The following GPR179 variants were observed in gnomAD, a reference collection of about 807,000 sequenced individuals.
GPR179 encodes the protein probable G protein-coupled receptor 179.
Under a neutral mutation model 70.8 loss-of-function variants are expected in GPR179, and 52 were observed. That is an observed-to-expected ratio of 0.73 (90% confidence interval 0.59 to 0.93). The LOEUF is 0.93. Ranked by LOEUF, GPR179 falls within the 40% of genes least tolerant of loss-of-function variation. The pLI is 0.00. For synonymous variants in GPR179, 1,123 were observed against 1,169.0 expected, an observed-to-expected ratio of 0.96 and a Z score of 0.80; for missense variants, 2,734 against 2,966.8, an observed-to-expected ratio of 0.92 and a Z score of 1.82.
Position 38,330,577 on chromosome 17 carries a change from C to T in GPR179, c.2992G>A (p.Ala998Thr), listed in dbSNP as rs551318324. 2.9e-4 allele frequency: 459 copies of T among 1,576,326 alleles called. 4 individuals carry two copies. The South Asian group carries it at 5.1e-3, about 18-fold the overall frequency. ...TTTTCTTGCTTGGCTGGCAGTTCTG[C>T]GTTCTCCCAGGGGCAGATGTAGGTG... ...LLTYICPWEN[A>T]ELPAKQENVP... Residue 998 changes from alanine (A) to threonine (T), a missense_variant, in exon 11 of 11, where the codon GCA becomes ACA. Coordinates refer to ENST00000616987, the MANE Select transcript of GPR179 (RefSeq NM_001004334.4).
Position 38,328,006 on chromosome 17 carries a change from G to A in GPR179, c.5563C>T (p.Leu1855=), listed in dbSNP as rs79954845. Residue 1855 remains leucine (L), a synonymous_variant, in exon 11 of 11, where the codon CTG becomes TTG. Transcript: ENST00000616987. ...ATCCCTTTTGATACGTCTTCTCCCA[G>A]GGAAGTGAGTCTCCCCTTTTCTAGA... ...KALEKGRLTS[L]GEDVSKGMAK... 22 of 1,613,978 alleles carry A rather than the reference G, an allele frequency of 1.4e-5. No individual in the cohort carries two copies. Among genetic ancestry groups the A allele is most frequent in the Non-Finnish European group, 1.9e-5 (22 of 1,180,026 alleles).
At chr17:38,339,347 TG>T in intron 2 of GPR179, 69 bp downstream of exon 2, 2 of 941,386 alleles carry the variant, frequency 2.1e-6, no homozygotes, top group Non-Finnish European at 3.4e-6. Context: ...GGGAGCTGCA[TG>T]GTGGCGGTGA....
chr17:38,329,081 C>T lies in GPR179; in HGVS notation c.4488G>A (p.Gly1496=), dbSNP rs373749692. Residue 1496 remains glycine (G), a synonymous_variant, in exon 11 of 11, where the codon GGG becomes GGA. Transcript: ENST00000616987. ...NVMGQEMLSL[G]TGRESLQEKE... Reference sequence around the variant, plus strand: ...TTTCTTGAAGAGATTCTCTACCTGTCCCCAGACTCAGCATTTCCTGCCCCA... The same window carrying T: ...TTTCTTGAAGAGATTCTCTACCTGTTCCCAGACTCAGCATTTCCTGCCCCA... 1 of 1,613,942 alleles carries T rather than the reference C, an allele frequency of 6.2e-7. No homozygotes were observed. Among genetic ancestry groups the T allele is most frequent in the Admixed American group, 1.7e-5 (1 of 59,992 alleles).
chr17:38,327,258 G>C lies in GPR179; in HGVS notation c.6311C>G (p.Ala2104Gly). 6.2e-7 allele frequency: 1 copy of C among 1,614,200 alleles called. No homozygotes were observed. Among genetic ancestry groups the C allele is most frequent in the African/African-American group, 1.3e-5 (1 of 75,050 alleles). Residue 2104 changes from alanine to glycine, a missense_variant, in exon 11 of 11, where the codon GCA (alanine) becomes GGA (glycine). Transcript: ENST00000616987. ...SDRSRGSSEA[A>G]GSVETRVAEV... is the part of the protein sequence containing the mutation. ...CGCTACCCTGGTCTCCACACTGCCT[G>C]CTGCCTCAGAACTGCCTCTGCTTCT... is the stretch of plus-strand genomic sequence containing the variant.
In GPR179 at chr17:38,324,918, G is replaced by A. The variant is rs1052968387; in HGVS notation, c.*1547C>T. Among the ~76,000 whole-genome samples, 2 of 152,164 alleles carry A rather than the reference G, an allele frequency of 1.3e-5. No homozygotes were observed. The highest frequency in any genetic ancestry group is 4.8e-5 in the African/African-American group (2 of 41,444). On this transcript the variant is annotated 3_prime_UTR_variant, in exon 11 of 11. Coordinates refer to ENST00000616987, the MANE Select transcript of GPR179 (RefSeq NM_001004334.4). ...CTCTGTGAAGTCCCATAACCGCCCAGCATATTTACATGCAGACTAGATGTT... is the reference window on the plus strand; with the variant it reads ...CTCTGTGAAGTCCCATAACCGCCCAACATATTTACATGCAGACTAGATGTT...
At chr17:38,331,601 C>T (rs2037361160) in intron 10 of GPR179, 70 bp from the exon 11 acceptor site, 4 of 1,531,604 alleles carry the variant, frequency 2.6e-6, no homozygotes, top group South Asian at 1.3e-5. Context: ...TCTGTTCCTC[C>T]ACCCTTGCCT....
chr17:38,329,978 T>G lies in GPR179; in HGVS notation c.3591A>C (p.Lys1197Asn). 6.2e-7 allele frequency: 1 copy of G among 1,614,204 alleles called. No homozygotes were observed. The highest frequency in any genetic ancestry group is 8.5e-7 in the Non-Finnish European group (1 of 1,180,042). The part of the protein sequence containing the change: ...LGERKAERAG[K>N]TGLAMLRQVS... Reference sequence around the variant, plus strand: ...CTTGCCTCAGCATGGCAAGCCCTGTTTTACCTGCTCTCTCAGCTTTCCGTT... The same window carrying G: ...CTTGCCTCAGCATGGCAAGCCCTGTGTTACCTGCTCTCTCAGCTTTCCGTT... The change falls in exon 11 of 11, where the codon AAA becomes AAC. Residue 1197 changes from lysine to asparagine, a missense_variant. Coordinates refer to ENST00000616987, the MANE Select transcript of GPR179 (RefSeq NM_001004334.4).
intron 1 of GPR179, among the ~76,000 whole-genome samples, chr17:38,342,725 C>G (rs955515554): frequency 1.3e-5 from 2 of 152,262 alleles, no homozygotes; most frequent in African/African-American, 4.8e-5. Flanking sequence ...CACAGGCTCA[C>G]AGACATTCCT....
chr17:38,327,644 C>T lies in GPR179; in HGVS notation c.5925G>A (p.Gln1975=). 6.2e-7 allele frequency: 1 copy of T among 1,614,232 alleles called. No homozygotes were observed. The highest frequency in any genetic ancestry group is 8.5e-7 in the Non-Finnish European group (1 of 1,180,044). The change falls in exon 11 of 11, where the codon CAG becomes CAA. Residue 1975 remains glutamine (Q), a synonymous_variant. Coordinates refer to ENST00000616987, the MANE Select transcript of GPR179 (RefSeq NM_001004334.4). ...PADSVSHLDR[Q]RPDQPKASSQ... is the part of the protein sequence containing the mutation. ...AGCTAGCTTTAGGTTGGTCAGGGCG[C>T]TGTCTGTCTAGGTGAGAGACGGAAT...
In GPR179 at chr17:38,329,703, T is replaced by C. The variant is rs2037332021; in HGVS notation, c.3866A>G (p.Lys1289Arg). Reference protein sequence around the residue: ...LRQDPGDSQKKRGEARGKSEP... With the variant: ...LRQDPGDSQKRRGEARGKSEP... ...TGATTTTCCCCGGGCCTCCCCTCTCTTTTTTTGGGAGTCACCTGGGTCTTG... is the reference window on the plus strand; with the variant it reads ...TGATTTTCCCCGGGCCTCCCCTCTCCTTTTTTGGGAGTCACCTGGGTCTTG... Residue 1289 changes from lysine to arginine, a missense_variant, in exon 11 of 11, where the codon AAG becomes AGG. Lys to Arg is a conservative substitution (Grantham distance 26). Coordinates refer to ENST00000616987, the MANE Select transcript of GPR179 (RefSeq NM_001004334.4). The C allele has an allele frequency of 4.3e-6, 7 of 1,614,110 alleles. No homozygotes were observed. In the East Asian group the frequency reaches 1.3e-4, roughly 31 times the overall value.
In GPR179 at chr17:38,326,883, G is replaced by A. The variant is rs370368728; in HGVS notation, c.6686C>T (p.Pro2229Leu). ...GGTACCCTTTATTTTATTTCCTTCT[G>A]GATCTGTGATTTCCCATTGGCACAG... ...AELCQWEITD[P>L]EGNKIKGTMA... Residue 2229 changes from proline to leucine, a missense_variant, in exon 11 of 11, where the codon CCA (proline) becomes CTA (leucine). Physicochemically the swap from Pro to Leu is moderately conservative, Grantham distance 98 (BLOSUM62 -3). Coordinates refer to ENST00000616987, the MANE Select transcript of GPR179 (RefSeq NM_001004334.4). 4.3e-6 allele frequency: 7 copies of A among 1,613,998 alleles called. No homozygotes were observed. In the African/African-American group the frequency reaches 9.3e-5, roughly 22 times the overall value.
Position 38,329,482 on chromosome 17 carries a change from A to G in GPR179, c.4087T>C (p.Trp1363Arg), listed in dbSNP as rs1276757637. ...TGAGCTTCTGGGCCAGCAGCTTCCC[A>G]CCCAGGCTTCTCCACCTTCCTGGCC... ...VEARKVEKPG[W>R]EAAGPEAHTP... Residue 1363 changes from tryptophan to arginine, a missense_variant, in exon 11 of 11, where the codon TGG becomes CGG. Coordinates refer to ENST00000616987, the MANE Select transcript of GPR179 (RefSeq NM_001004334.4). 1 of 1,613,222 alleles carries G rather than the reference A, an allele frequency of 6.2e-7. No homozygotes were observed. Among genetic ancestry groups the G allele is most frequent in the Non-Finnish European group, 8.5e-7 (1 of 1,179,858 alleles).
rs1463511911 is a variant in GPR179 at position 38,335,075 on chromosome 17, A to G, written c.1603T>C (p.Tyr535His). 1 of 1,613,600 alleles carries G rather than the reference A, an allele frequency of 6.2e-7. No individual in the cohort carries two copies. The highest frequency in any genetic ancestry group is 8.5e-7 in the Non-Finnish European group (1 of 1,179,948). The change falls in exon 7 of 11, where the codon TAC becomes CAC. Residue 535 changes from tyrosine (Y) to histidine (H), a missense_variant. Transcript: ENST00000616987. ...RGHTPSGRHF[Y>H]LCHHDRWDYI... ...TCCCAGCGGTCGTGGTGACAGAGGT[A>G]GAAATGGCGGCCACTGGGAGTGTGG...
chr17:38,327,428 T>A lies in GPR179; in HGVS notation c.6141A>T (p.Arg2047Ser). The change falls in exon 11 of 11, where the codon AGA becomes AGT. Residue 2047 changes from arginine to serine, a missense_variant. Arg to Ser is a moderately radical substitution (Grantham distance 110). Coordinates refer to ENST00000616987, the MANE Select transcript of GPR179 (RefSeq NM_001004334.4). The stretch of plus-strand genomic sequence containing the variant: ...CTTTTGGCTCTGATTTTTCTGGGGC[T>A]CTGCCTTTCTCTTCTTGAGAGTCCC... ...GKGDSQEEKG[R>S]APEKSEPKGV... 6.2e-7 allele frequency: 1 copy of A among 1,614,246 alleles called. No individual in the cohort carries two copies. Among genetic ancestry groups the A allele is most frequent in the Non-Finnish European group, 8.5e-7 (1 of 1,180,044 alleles).
At position 38,330,212 on chromosome 17, in the gene GPR179, C is replaced by T. The variant is rs547577586; in HGVS notation, c.3357G>A (p.Ala1119=). The T allele has an allele frequency of 3.1e-5, 49 of 1,569,510 alleles. 1 individual carries two copies. The highest frequency in any genetic ancestry group is 3.4e-4 in the Middle Eastern group (2 of 5,810). Residue 1119 remains alanine (A), a synonymous_variant, in exon 11 of 11, where the codon GCG becomes GCA. Transcript: ENST00000616987. The stretch of plus-strand genomic sequence containing the variant: ...GGGAGGGTGCCCCCATACTCTCTCC[C>T]GCAGTCCCGCTGTTCTGCCCCTCGG... ...ESPEGQNSGT[A]GESMGAPSRS...
intron 9 of GPR179, 33 bp downstream of exon 9, chr17:38,333,900 G>A (rs763024134): frequency 1.3e-6 from 2 of 1,515,196 alleles, no homozygotes; most frequent in African/African-American, 1.4e-5. Flanking sequence ...AGGGGCTGGG[G>A]TCCACCTCAC....
chr17:38,328,571 T>C lies in GPR179; in HGVS notation c.4998A>G (p.Gln1666=), dbSNP rs750086367. Residue 1666 remains glutamine, a synonymous_variant, in exon 11 of 11, where the codon CAA becomes CAG. Coordinates refer to ENST00000616987, the MANE Select transcript of GPR179 (RefSeq NM_001004334.4). ...PGSFSPQPRP[Q]DTERPQTLLQ... is the part of the protein sequence containing the mutation. ...GAAGGGTTTGGGGTCTCTCTGTGTC[T>C]TGAGGACGTGGTTGTGGGGAGAAGC... 9.3e-6 allele frequency: 15 copies of C among 1,614,066 alleles called. No individual in the cohort carries two copies. The highest frequency in any genetic ancestry group is 1.1e-5 in the Non-Finnish European group (13 of 1,180,046).
Position 38,330,609 on chromosome 17 carries a change from T to G in GPR179, c.2960A>C (p.Asn987Thr), listed in dbSNP as rs1470797953. 3.2e-6 allele frequency: 5 copies of G among 1,577,886 alleles called. No homozygotes were observed. The South Asian group carries it at 4.7e-5, about 15-fold the overall frequency. ...CCAGGGGCAGATGTAGGTGAGTAAG[T>G]TGGGGCTTTGTGGGGATACTGGGAC... is the stretch of plus-strand genomic sequence containing the variant. The part of the protein sequence containing the change: ...APVPVSPQSP[N>T]LLTYICPWEN... Residue 987 changes from asparagine (N) to threonine (T), a missense_variant, in exon 11 of 11, where the codon AAC becomes ACC. Coordinates refer to ENST00000616987, the MANE Select transcript of GPR179 (RefSeq NM_001004334.4).
In GPR179 at chr17:38,327,134, C is replaced by T; in HGVS notation, c.6435G>A (p.Gln2145=). The change falls in exon 11 of 11, where the codon CAG becomes CAA. Residue 2145 remains glutamine, a synonymous_variant. Transcript: ENST00000616987. ...CTCCTTGCCCTTGTGATTCTCTTTC[C>T]TGTTCCCCTTCCTCTGCTGCTCCTC... is the stretch of plus-strand genomic sequence containing the variant. ...AGGGAAEEGE[Q]ERESQGQGEM... 1.2e-6 allele frequency: 2 copies of T among 1,614,276 alleles called. No homozygotes were observed. The highest frequency in any genetic ancestry group is 1.7e-5 in the Admixed American group (1 of 60,034).
Sources: allele counts gnomAD v4.1 joint callset (sites outside exome capture counted in the v4.1 genomes callset), GRCh38; gene constraint gnomAD v4.1.1; transcripts MANE v1.5; gene names NCBI Gene and HGNC (gene_info 2026-07-23, HGNC 2026-07-21).